ZNF407: variants seen among roughly 807,000 people sequenced by gnomAD.
ZNF407 encodes zinc finger protein 407.
A neutral mutation model predicts 131.2 loss-of-function variants in ZNF407; 17 were observed. The observed-to-expected ratio is 0.13, with a 90% CI of 0.09 to 0.19. ZNF407 has a LOEUF of 0.19. Among genes scored for constraint, ZNF407 ranks in the 10% least tolerant of loss-of-function variants. ZNF407 has a pLI of 1.00. For synonymous variants in ZNF407, 1,156 were observed against 1,062.0 expected, an observed-to-expected ratio of 1.09 and a Z score of -1.72; for missense variants, 2,681 against 2,830.6, an observed-to-expected ratio of 0.95 and a Z score of 1.20.
intron 1 of ZNF407, among the ~76,000 whole-genome samples, chr18:74,605,427 C>T (rs1363888986): frequency 2.6e-5 from 4 of 152,178 alleles, no homozygotes; most frequent in Non-Finnish European, 5.9e-5. Flanking sequence ...GATAAGTCTT[C>T]ATCCAGGAGC....
chr18:74,713,356 A>G (rs1242853051), intron 3 of ZNF407, among the ~76,000 whole-genome samples: 1 of 116,256 alleles, frequency 8.6e-6, no homozygotes, highest in Non-Finnish European at 1.7e-5. Flanking sequence ...ACATTTTAGC[A>G]TCTTTTTTTT....
At chr18:74,859,394 G>GT (rs1970905893) in intron 4 of ZNF407, among the ~76,000 whole-genome samples, 2 of 152,094 alleles carry the variant, frequency 1.3e-5, no homozygotes, top group Admixed American at 6.5e-5. Context: ...TATTTAACGT[G>GT]TAACACTGGA....
At chr18:74,794,347 G>A (rs534833134) in intron 4 of ZNF407, among the ~76,000 whole-genome samples, 5 of 152,000 alleles carry the variant, frequency 3.3e-5, no homozygotes, top group South Asian at 2.1e-4. Flanking sequence ...CTTTAGTGGC[G>A]TAATTCATAG....
intron 2 of ZNF407, among the ~76,000 whole-genome samples, chr18:74,637,401 T>C (rs1041830535): frequency 1.3e-5 from 2 of 152,222 alleles, no homozygotes; most frequent in African/African-American, 4.8e-5. Context: ...CAAGTTAATG[T>C]GGATGTGAAA....
At chr18:74,603,053 A>G (rs1434125355) in intron 1 of ZNF407, among the ~76,000 whole-genome samples, 1 of 152,184 alleles carries the variant, frequency 6.6e-6, no homozygotes, top group African/African-American at 2.4e-5. Flanking sequence ...ATTTGGAAGC[A>G]GGGGCCAAAC....
intron 7 of ZNF407, among the ~76,000 whole-genome samples, chr18:74,901,617 G>A (rs1474375917): frequency 2.6e-5 from 4 of 152,176 alleles, no homozygotes; most frequent in Non-Finnish European, 5.9e-5. Context: ...CATCCTCCCA[G>A]GCCCAAGGGC....
At chr18:74,894,638 T>TC (rs1453936822) in intron 7 of ZNF407, among the ~76,000 whole-genome samples, 2 of 152,152 alleles carry the variant, frequency 1.3e-5, no homozygotes, top group Non-Finnish European at 2.9e-5. Flanking sequence ...CCATTTCTTC[T>TC]CTATGATTTA....
intron 8 of ZNF407, among the ~76,000 whole-genome samples, chr18:74,953,552 A>G (rs957129768): frequency 6.6e-6 from 1 of 152,150 alleles, no homozygotes; most frequent in Non-Finnish European, 1.5e-5. Flanking sequence ...CCTGATAGAC[A>G]TGCAGCTTCC....
At chr18:74,915,697 G>A (rs1449518666) in intron 7 of ZNF407, among the ~76,000 whole-genome samples, 1 of 84,040 alleles carries the variant, frequency 1.2e-5, no homozygotes, top group Non-Finnish European at 2.5e-5. Flanking sequence ...AATCGGGAGT[G>A]TGTGTGTGTG....
intron 4 of ZNF407, among the ~76,000 whole-genome samples, chr18:74,873,707 G>A (rs1300096659): frequency 6.6e-6 from 1 of 150,662 alleles, no homozygotes; most frequent in Non-Finnish European, 1.5e-5. Flanking sequence ...TAAGACCCTG[G>A]CTCTTAAAAA....
In ZNF407 at chr18:74,632,870, C is replaced by T. The variant is rs757913183; in HGVS notation, c.1851C>T (p.Cys617=). 2 of 1,613,356 alleles carry T rather than the reference C, an allele frequency of 1.2e-6. No homozygotes were observed. The highest frequency in any genetic ancestry group is 8.5e-7 in the Non-Finnish European group (1 of 1,179,872). The stretch of plus-strand genomic sequence containing the variant: ...AAAAGCACAATATGCATTTTCTTTG[C>T]ACCCCTTGTAATCTGTTCTTTTTGT... ...MKEKHNMHFL[C]TPCNLFFLSE... Residue 617 remains cysteine, a synonymous_variant, in exon 2 of 9, where the codon TGC becomes TGT. Transcript: ENST00000299687.
At chr18:75,044,087 T>C (rs1973404607) in intron 8 of ZNF407, among the ~76,000 whole-genome samples, 1 of 152,148 alleles carries the variant, frequency 6.6e-6, no homozygotes, top group African/African-American at 2.4e-5. Flanking sequence ...GGCCACGATA[T>C]CAAACACCAC....
At chr18:75,045,072 G>A (rs1295707608) in intron 8 of ZNF407, among the ~76,000 whole-genome samples, 1 of 150,780 alleles carries the variant, frequency 6.6e-6, no homozygotes, top group Admixed American at 6.6e-5. Context: ...GGGGGGGTGT[G>A]GGCATGTATG....
rs1029185776 is a variant in ZNF407, at chr18:74,650,276, G to C, written c.4802+9154G>C. Among the ~76,000 whole-genome samples the C allele has an allele frequency of 6.6e-5, 10 of 152,240 alleles. 1 individual carries two copies. Among genetic ancestry groups the C allele is most frequent in the Admixed American group, 1.3e-4 (2 of 15,284 alleles). On this transcript the variant is annotated intron_variant, in intron 3 of 8. Transcript: ENST00000299687. ...AAAAGTTCCTTTTCAGCTAGTATCTGATGGACTATATGGTCTCTGTGCATG... is the reference window on the plus strand; with the variant it reads ...AAAAGTTCCTTTTCAGCTAGTATCTCATGGACTATATGGTCTCTGTGCATG...
chr18:74,699,071 T>G (rs1399954036), intron 3 of ZNF407, among the ~76,000 whole-genome samples: 1 of 152,186 alleles, frequency 6.6e-6, no homozygotes, highest in Admixed American at 6.5e-5. Flanking sequence ...CTTCCCGCTC[T>G]CTCTCCTTTC....
At chr18:74,612,376 T>C (rs1983101478) in intron 1 of ZNF407, among the ~76,000 whole-genome samples, 1 of 152,182 alleles carries the variant, frequency 6.6e-6, no homozygotes, top group Admixed American at 6.5e-5. Flanking sequence ...TTTGTTATAT[T>C]TTGCACAACA....
chr18:74,928,921 G>GTT (rs199811986), intron 8 of ZNF407, among the ~76,000 whole-genome samples: 1 of 152,000 alleles, frequency 6.6e-6, no homozygotes, highest in Non-Finnish European at 1.5e-5. Flanking sequence ...TTTTAAAACT[G>GTT]TTTTTTTAAA....
chr18:75,031,147 T>C (rs1973235519), intron 8 of ZNF407, among the ~76,000 whole-genome samples: 1 of 152,190 alleles, frequency 6.6e-6, no homozygotes, highest in South Asian at 2.1e-4. Flanking sequence ...GCAGACCTCA[T>C]AATCACCTGT....
intron 8 of ZNF407, among the ~76,000 whole-genome samples, chr18:74,941,990 T>A (rs569374474): frequency 1.3e-5 from 2 of 152,310 alleles, no homozygotes; most frequent in South Asian, 4.1e-4. Context: ...TGATCTTCAT[T>A]TCCAGATTTG....
Sources: allele counts gnomAD v4.1 joint callset (sites outside exome capture counted in the v4.1 genomes callset), GRCh38; gene constraint gnomAD v4.1.1; transcripts MANE v1.5; gene names NCBI Gene and HGNC (gene_info 2026-07-23, HGNC 2026-07-21).